RAP1A: variants seen among roughly 807,000 people sequenced by gnomAD.
RAP1A encodes ras-related protein Rap-1A.
A neutral mutation model predicts 26.4 loss-of-function variants in RAP1A; 6 were observed. That is an observed-to-expected ratio of 0.23 (90% CI 0.12 to 0.45). The LOEUF (loss-of-function observed/expected upper bound fraction) is 0.45, where lower values mean the gene tolerates loss of function less well. Among genes scored for constraint, RAP1A ranks in the 20% least tolerant of loss-of-function variants. The pLI is 0.99. For synonymous variants in RAP1A, 73 were observed against 79.4 expected, an observed-to-expected ratio of 0.92 and a Z score of 0.43; for missense variants, 121 against 217.2, an observed-to-expected ratio of 0.56 and a Z score of 2.78.
At chr1:111,636,298 G>T (rs1659727705) in intron 1 of RAP1A, among the ~76,000 whole-genome samples, 1 of 152,000 alleles carries the variant, frequency 6.6e-6, no homozygotes, top group Non-Finnish European at 1.5e-5. Context: ...GTTAATACTG[G>T]TTTTTGCAGA....
chr1:111,545,663 G>T lies in RAP1A; in HGVS notation c.-28+3154G>T, dbSNP rs147810298. 2.8e-3 allele frequency among the ~76,000 whole-genome samples: 432 copies of T among 152,120 alleles called. 4 individuals carry two copies. Among genetic ancestry groups the T allele is most frequent in the African/African-American group, 9.9e-3 (412 of 41,526 alleles). On this transcript the variant is annotated intron_variant, in intron 1 of 7. Coordinates refer to the RAP1A transcript ENST00000356415. ...CTTCTCTATTTGTCTTTTATTGCTT[G>T]TGCTTTTTGTGTCATATTTAAGAAA... is the stretch of plus-strand genomic sequence containing the variant.
intron 2 of RAP1A, among the ~76,000 whole-genome samples, chr1:111,691,758 C>A (rs1661678128): frequency 6.6e-6 from 1 of 152,164 alleles, no homozygotes; most frequent in African/African-American, 2.4e-5. Context: ...TAATTCCTCA[C>A]CTGCTTCCAC....
rs1662474624 is a variant in RAP1A at position 111,714,447 on chromosome 1, A to G, written c.*2046A>G. On this transcript the variant is annotated 3_prime_UTR_variant, in exon 8 of 8. Transcript: ENST00000369709. The stretch of plus-strand genomic sequence containing the variant: ...ATTGTGTAGTTATTTAACAGATTAA[A>G]TAGAAGTCATTTAATAAGACTCCAA... 2.0e-5 allele frequency: 3 copies of G among 152,252 alleles called. No individual in the cohort carries two copies. Among genetic ancestry groups the G allele is most frequent in the Admixed American group, 2.0e-4 (3 of 15,286 alleles). 9.4% of individuals were successfully genotyped at this position (152,252 alleles called of 1,614,324 possible).
At chr1:111,680,746 G>C (rs1464874792) in intron 1 of RAP1A, 2 of 152,724 alleles carry the variant, frequency 1.3e-5, no homozygotes, top group African/African-American at 4.8e-5. Context: ...ACAGGGTCTG[G>C]AGTGGACCTC....
At chr1:111,649,575 AG>A in intron 1 of RAP1A, 1 of 227,686 alleles carries the variant, frequency 4.4e-6, no homozygotes, top group Non-Finnish European at 9.2e-6. Context: ...GTGAGAGGAT[AG>A]GACTCAGGCT....
At chr1:111,575,116 A>G (rs1658119692) in intron 1 of RAP1A, among the ~76,000 whole-genome samples, 1 of 152,076 alleles carries the variant, frequency 6.6e-6, no homozygotes, top group South Asian at 2.1e-4. Flanking sequence ...TACCTGTATG[A>G]CATTACCTAA....
intron 1 of RAP1A, among the ~76,000 whole-genome samples, chr1:111,589,564 T>C (rs12139255): frequency 0.1 from 15,815 of 152,212 alleles, 1,047 homozygotes; most frequent in African/African-American, 0.17. Flanking sequence ...TTCCTCTATA[T>C]GGGCCTTAAC....
At chr1:111,623,581 A>AT (rs1314982102) in intron 1 of RAP1A, among the ~76,000 whole-genome samples, 27 of 150,036 alleles carry the variant, frequency 1.8e-4, no homozygotes, top group Middle Eastern at 3.5e-3. Flanking sequence ...TAATTTTTGT[A>AT]TTTTTTTTTA....
At chr1:111,646,046 C>T (rs930891200) in intron 1 of RAP1A, among the ~76,000 whole-genome samples, 1 of 152,148 alleles carries the variant, frequency 6.6e-6, no homozygotes, top group African/African-American at 2.4e-5. Context: ...TAGATATTTA[C>T]CAGGAATTCT....
At chr1:111,686,186 A>T (rs1451789274) in intron 1 of RAP1A, among the ~76,000 whole-genome samples, 1 of 152,164 alleles carries the variant, frequency 6.6e-6, no homozygotes, top group African/African-American at 2.4e-5. Context: ...TGACAGGTTG[A>T]TGGGTGCAGC....
At chr1:111,574,225 A>G (rs1658104586) in intron 1 of RAP1A, among the ~76,000 whole-genome samples, 1 of 152,160 alleles carries the variant, frequency 6.6e-6, no homozygotes, top group Non-Finnish European at 1.5e-5. Flanking sequence ...CCCTTTCCTC[A>G]TTGCTTGTTT....
At chr1:111,698,074 A>G (rs923145780) in intron 4 of RAP1A, among the ~76,000 whole-genome samples, 5 of 152,310 alleles carry the variant, frequency 3.3e-5, no homozygotes, top group African/African-American at 1.2e-4. Context: ...TCTGTTACAC[A>G]GTATGGAATT....
At chr1:111,565,306 A>G (rs1205469920) in intron 1 of RAP1A, among the ~76,000 whole-genome samples, 2 of 152,222 alleles carry the variant, frequency 1.3e-5, no homozygotes, top group African/African-American at 4.8e-5. Context: ...GTTGTTTTTC[A>G]GGCATTCAAC....
At chr1:111,612,505 T>C (rs1237627496) in intron 1 of RAP1A, among the ~76,000 whole-genome samples, 1 of 152,230 alleles carries the variant, frequency 6.6e-6, no homozygotes. Context: ...TCCACTCTGA[T>C]TTAGCTCTCT....
chr1:111,605,072 T>C (rs1441918640), intron 1 of RAP1A, among the ~76,000 whole-genome samples: 1 of 152,208 alleles, frequency 6.6e-6, no homozygotes, highest in African/African-American at 2.4e-5. Context: ...GATTCAGGAT[T>C]TGCCTAGTAG....
chr1:111,692,588 G>A (rs911134951), intron 2 of RAP1A, among the ~76,000 whole-genome samples: 1 of 152,100 alleles, frequency 6.6e-6, no homozygotes, highest in African/African-American at 2.4e-5. Flanking sequence ...AGTGACTAGA[G>A]TCTGGAAACA....
chr1:111,703,595 C>A, intron 5 of RAP1A, 119 bp downstream of exon 5: 1 of 994,366 alleles, frequency 1.0e-6, no homozygotes, highest in South Asian at 3.1e-5. Flanking sequence ...CTGAAAGAGC[C>A]CCTGTGACCA....
intron 4 of RAP1A, among the ~76,000 whole-genome samples, chr1:111,702,505 C>G (rs1662052550): frequency 6.6e-6 from 1 of 151,752 alleles, no homozygotes; most frequent in African/African-American, 2.4e-5. Flanking sequence ...AGTCATTGCA[C>G]TATTCTCACA....
intron 1 of RAP1A, among the ~76,000 whole-genome samples, chr1:111,597,524 G>A (rs1462232025): frequency 6.6e-6 from 1 of 152,178 alleles, no homozygotes; most frequent in Non-Finnish European, 1.5e-5. Flanking sequence ...TATATTTCTA[G>A]TGTGACACTC....
Sources: gnomAD v4.1 joint callset for allele counts (sites outside exome capture counted in the v4.1 genomes callset) on GRCh38, gnomAD v4.1.1 for gene constraint, MANE v1.5 for transcripts, NCBI Gene and HGNC (gene_info 2026-07-23, HGNC 2026-07-21) for gene names.